AGBL3: variants seen among roughly 807,000 people sequenced by gnomAD.
The protein encoded by AGBL3 is cytosolic carboxypeptidase 3.
Under a neutral mutation model 94.5 loss-of-function variants are expected in AGBL3, and 68 were observed. That is an observed-to-expected ratio of 0.72 (90% CI 0.59 to 0.88). The LOEUF (loss-of-function observed/expected upper bound fraction) is 0.88, where lower values mean the gene tolerates loss of function less well. Among genes scored for constraint, AGBL3 ranks in the 40% least tolerant of loss-of-function variants. The pLI, the probability that AGBL3 is intolerant of heterozygous loss-of-function variation, is 0.00. For missense variants in AGBL3, 934 were observed against 1,103.8 expected (o/e 0.85, Z 2.18); for synonymous variants, 354 against 370.7 (o/e 0.95, Z 0.52).
chr7:135,080,734 T>C (rs1388147913), intron 14 of AGBL3, among the ~76,000 whole-genome samples: 1 of 140,454 alleles, frequency 7.1e-6, no homozygotes, highest in African/African-American at 2.5e-5. Context: ...ACTGACTCTC[T>C]AGCATCTCTG....
chr7:135,021,944 T>A (rs1814534582), intron 5 of AGBL3, among the ~76,000 whole-genome samples: 1 of 152,212 alleles, frequency 6.6e-6, no homozygotes, highest in South Asian at 2.1e-4. Context: ...TGTATTAGTC[T>A]GCTGAGGATG....
intron 15 of AGBL3, among the ~76,000 whole-genome samples, chr7:135,102,627 T>TC (rs1824018193): frequency 6.6e-6 from 1 of 150,394 alleles, no homozygotes; most frequent in South Asian, 2.1e-4. Flanking sequence ...CTCTTGTGGT[T>TC]TTTTTTTTTT....
chr7:135,008,922 C>T (rs1051130010), intron 4 of AGBL3, among the ~76,000 whole-genome samples: 6 of 152,072 alleles, frequency 3.9e-5, no homozygotes, highest in African/African-American at 1.4e-4. Flanking sequence ...CAAATTAATA[C>T]CACAATAAGA....
chr7:135,111,957 T>G (rs1268483823), intron 15 of AGBL3, among the ~76,000 whole-genome samples: 1 of 151,978 alleles, frequency 6.6e-6, no homozygotes, highest in Non-Finnish European at 1.5e-5. Context: ...GCACTTCTAT[T>G]CAATGTGTCC....
In AGBL3 at chr7:135,017,065, T is replaced by G; in HGVS notation, c.324T>G (p.Ser108=). ...TTTTTTTTCCAGATTGGACTCCTTC[T>G]TGTCCTGAGCCAGTGTATATCCCAA... ...EKVQHIDWTP[S]CPEPVYIPTG... Residue 108 remains serine (S), a synonymous_variant, in exon 5 of 17, where the codon TCT becomes TCG. Coordinates refer to ENST00000436302, the MANE Select transcript of AGBL3 (RefSeq NM_178563.4). The G allele has an allele frequency of 6.5e-7, 1 of 1,545,498 alleles. No individual in the cohort carries two copies. The highest frequency in any genetic ancestry group is 8.8e-7 in the Non-Finnish European group (1 of 1,141,456).
Position 135,077,662 on chromosome 7 carries a change from C to T in AGBL3, c.1980+1194C>T, listed in dbSNP as rs1281921911. On this transcript the variant is annotated intron_variant, in intron 13 of 16. Coordinates refer to ENST00000436302, the MANE Select transcript of AGBL3 (RefSeq NM_178563.4). ...GCAGCAAATCCGTACAGGTCTGCAG[C>T]AACATCAATTCTTGCCTTCCACTCC... 1.3e-5 allele frequency among the ~76,000 whole-genome samples: 2 copies of T among 152,180 alleles called. 1 individual carries two copies. The highest frequency in any genetic ancestry group is 4.1e-4 in the South Asian group (2 of 4,828).
intron 16 of AGBL3, among the ~76,000 whole-genome samples, chr7:135,127,746 C>T (rs2117302411): frequency 6.6e-6 from 1 of 152,196 alleles, no homozygotes; most frequent in East Asian, 1.9e-4. Context: ...ATTAGTTCAA[C>T]CATTGTGGAA....
chr7:135,034,159 G>A lies in AGBL3; in HGVS notation c.568G>A (p.Glu190Lys), dbSNP rs926581325. Residue 190 changes from glutamate to lysine, a missense_variant, in exon 7 of 17, where the codon GAA becomes AAA. Physicochemically the swap from Glu to Lys is moderately conservative, Grantham distance 56. Around this residue, in one of 3 missense-constraint regions of AGBL3, gnomAD observed 488 missense variants for 563.6 expected, o/e 0.87. Coordinates refer to ENST00000436302, the MANE Select transcript of AGBL3 (RefSeq NM_178563.4). Reference sequence around the variant, plus strand: ...TTTCTTGTGTATTAGGGCAGAATACGAATACCAATTGACTGTACGCCCTGA... The same window carrying A: ...TTTCTTGTGTATTAGGGCAGAATACAAATACCAATTGACTGTACGCCCTGA... The part of the protein sequence containing the change: ...LQKVVKVAEY[E>K]YQLTVRPDLF... 4.0e-5 allele frequency: 62 copies of A among 1,539,280 alleles called. No individual in the cohort carries two copies. The highest frequency in any genetic ancestry group is 1.7e-4 in the Middle Eastern group (1 of 5,964).
chr7:135,015,858 C>CAAAAAAAA (rs780785475), intron 4 of AGBL3, among the ~76,000 whole-genome samples: 2 of 77,126 alleles, frequency 2.6e-5, no homozygotes, highest in Non-Finnish European at 4.9e-5. Context: ...ACTAAAAATA[C>CAAAAAAAA]AAAAAAAAGA....
At chr7:135,055,167 G>T (rs1018671159) in intron 11 of AGBL3, among the ~76,000 whole-genome samples, 1 of 152,146 alleles carries the variant, frequency 6.6e-6, no homozygotes, top group African/African-American at 2.4e-5. Context: ...CCACCCCCAT[G>T]ACCCAAACAC....
chr7:135,074,765 C>T (rs1820291284), intron 12 of AGBL3, among the ~76,000 whole-genome samples: 1 of 152,072 alleles, frequency 6.6e-6, no homozygotes, highest in Admixed American at 6.6e-5. Flanking sequence ...ACAATTCAGG[C>T]AGTTATGCAT....
At chr7:135,048,086 C>T (rs1162464496) in intron 11 of AGBL3, among the ~76,000 whole-genome samples, 1 of 151,810 alleles carries the variant, frequency 6.6e-6, no homozygotes, top group Admixed American at 6.6e-5. Flanking sequence ...GCCAGTTTCC[C>T]ACCATTATTT....
chr7:135,078,201 G>C (rs1820630277), intron 13 of AGBL3, among the ~76,000 whole-genome samples: 1 of 152,194 alleles, frequency 6.6e-6, no homozygotes, highest in South Asian at 2.1e-4. Context: ...GAGCAGAGCT[G>C]AATGTGGTCA....
In AGBL3 at chr7:135,034,414, C is replaced by T. The variant is rs138670083; in HGVS notation, c.823C>T (p.Arg275Cys). 4,087 of 1,551,666 alleles carry T rather than the reference C, an allele frequency of 2.6e-3. 13 individuals carry two copies. The highest frequency in any genetic ancestry group is 2.4e-3 in the Non-Finnish European group (2,796 of 1,146,972). Residue 275 changes from arginine to cysteine, a missense_variant, in exon 7 of 17, where the codon CGC becomes TGC. By Grantham distance (180) the Arg-to-Cys change is radical. This residue lies in a region of AGBL3 where 488 missense variants were observed against 563.6 expected (regional missense o/e 0.87). Coordinates refer to ENST00000436302, the MANE Select transcript of AGBL3 (RefSeq NM_178563.4). The part of the protein sequence containing the change: ...YYRNNPGQDG[R>C]HYFSLTWTFQ... ...TAGGAACAACCCAGGCCAAGATGGG[C>T]GCCATTATTTCTCTCTTACATGGAC...
chr7:135,071,264 A>T (rs958752637), intron 12 of AGBL3, among the ~76,000 whole-genome samples: 3 of 152,136 alleles, frequency 2.0e-5, no homozygotes, highest in Non-Finnish European at 1.5e-5. Context: ...CATGGGTGGG[A>T]AGAATCAATA....
chr7:135,084,001 AAGCAGTTGGGGCCC>A (rs1464110522), intron 15 of AGBL3, among the ~76,000 whole-genome samples: 1 of 152,206 alleles, frequency 6.6e-6, no homozygotes, highest in Non-Finnish European at 1.5e-5. Flanking sequence ...GTTGGAGGCC[AAGCAGTTGGGGCCC>A]AGCCCATCCA....
At chr7:135,129,452 G>A (rs1398389311) in intron 16 of AGBL3, 1 of 779,596 alleles carries the variant, frequency 1.3e-6, no homozygotes, top group Non-Finnish European at 2.4e-6. Context: ...AAAGTAAGGA[G>A]TGGCTAGAGA....
intron 11 of AGBL3, among the ~76,000 whole-genome samples, chr7:135,058,066 G>C (rs1818492705): frequency 6.6e-6 from 1 of 151,996 alleles, no homozygotes; most frequent in Non-Finnish European, 1.5e-5. Context: ...TAAACCCTAA[G>C]GTAAACTATA....
chr7:135,044,163 G>T lies in AGBL3; in HGVS notation c.1627+12G>T. On this transcript the variant is annotated intron_variant, in intron 9 of 16. Transcript: ENST00000436302. Reference sequence around the variant, plus strand: ...TGGATCTACTCTGGGTAAGACCAAGGGTTCTCATTCACAGCTCTCAAAGCT... The same window carrying T: ...TGGATCTACTCTGGGTAAGACCAAGTGTTCTCATTCACAGCTCTCAAAGCT... 1 of 1,541,964 alleles carries T rather than the reference G, an allele frequency of 6.5e-7. No homozygotes were observed. Among genetic ancestry groups the T allele is most frequent in the Non-Finnish European group, 8.8e-7 (1 of 1,141,842 alleles).
Sources: gnomAD v4.1 joint callset for allele counts (sites outside exome capture counted in the v4.1 genomes callset) on GRCh38, gnomAD v4.1.1 for gene constraint, gnomAD v4.1.1 regional missense constraint, MANE v1.5 for transcripts, NCBI Gene and HGNC (gene_info 2026-07-23, HGNC 2026-07-21) for gene names.